Variants in FAM81B observed in about 807,000 individuals in gnomAD.
FAM81B encodes the protein protein FAM81B.
A neutral mutation model predicts 58.7 loss-of-function variants in FAM81B; 60 were observed. The ratio of observed to expected loss-of-function variants is 1.02; its 90% CI spans 0.83 to 1.27. The LOEUF (loss-of-function observed/expected upper bound fraction) is 1.27. FAM81B is among the 50% of genes most tolerant of loss of function. The pLI, the probability that FAM81B is intolerant of heterozygous loss-of-function variation, is 0.00. For synonymous variants in FAM81B, 189 were observed against 179.6 expected, an observed-to-expected ratio of 1.05 and a Z score of -0.42; for missense variants, 491 against 522.0, an observed-to-expected ratio of 0.94 and a Z score of 0.58.
chr5:95,449,590 T>C (rs1033873425), intron 9 of FAM81B, among the ~76,000 whole-genome samples: 3 of 152,242 alleles, frequency 2.0e-5, no homozygotes, highest in African/African-American at 7.2e-5. Context: ...GAAACGACTC[T>C]GTGAAAGGCC....
chr5:95,420,557 C>G (rs62365043), intron 5 of FAM81B, among the ~76,000 whole-genome samples, 155 bp downstream of exon 5: 36,468 of 152,038 alleles, frequency 0.24, 4,933 homozygotes, highest in African/African-American at 0.37. Context: ...ATAGAACTTT[C>G]AATGCCTCAC....
chr5:95,439,041 T>C (rs1283588138), intron 7 of FAM81B, among the ~76,000 whole-genome samples: 2 of 151,010 alleles, frequency 1.3e-5, no homozygotes, highest in Non-Finnish European at 3.0e-5. Context: ...GTAAATGTTC[T>C]AAGTTTTTTA....
At chr5:95,445,409 T>C (rs554414455) in intron 7 of FAM81B, among the ~76,000 whole-genome samples, 43 of 152,182 alleles carry the variant, frequency 2.8e-4, no homozygotes, top group African/African-American at 9.9e-4. Flanking sequence ...CACTCACAAG[T>C]CCCCATCCCT....
intron 5 of FAM81B, among the ~76,000 whole-genome samples, chr5:95,426,647 G>A (rs1762838888): frequency 6.6e-6 from 1 of 152,286 alleles, no homozygotes; most frequent in East Asian, 1.9e-4. Context: ...CGTGTTTCTG[G>A]CACTCCTGGA....
At chr5:95,439,235 A>AATAT (rs1561312808) in intron 7 of FAM81B, among the ~76,000 whole-genome samples, 1 of 44,258 alleles carries the variant, frequency 2.3e-5, no homozygotes, top group African/African-American at 9.8e-5. Context: ...TAGGTTAAAG[A>AATAT]GTATATATAT....
intron 4 of FAM81B, 133 bp downstream of exon 4, chr5:95,414,323 T>A: frequency 1.9e-6 from 2 of 1,039,520 alleles, no homozygotes; most frequent in South Asian, 3.4e-5. Context: ...GATGATTACA[T>A]TTTAGTGGTC....
chr5:95,392,965 C>A, intron 2 of FAM81B, 68 bp downstream of exon 2: 1 of 1,340,240 alleles, frequency 7.5e-7, no homozygotes, highest in Non-Finnish European at 1.0e-6. Flanking sequence ...GTTTAGAGTG[C>A]TTAGAGAGTT....
chr5:95,408,075 TGAGAGAGAGAGA>T (rs10567707), intron 3 of FAM81B, among the ~76,000 whole-genome samples: 37 of 130,330 alleles, frequency 2.8e-4, no homozygotes, highest in East Asian at 1.1e-3. Context: ...TCCCCCAAAA[TGAGAGAGAGAGA>T]GAGAGAGAGA....
At chr5:95,415,194 T>C (rs1202755637) in intron 4 of FAM81B, among the ~76,000 whole-genome samples, 1 of 152,208 alleles carries the variant, frequency 6.6e-6, no homozygotes, top group Non-Finnish European at 1.5e-5. Flanking sequence ...GAATCTGGGT[T>C]AACAATTTTC....
intron 4 of FAM81B, among the ~76,000 whole-genome samples, chr5:95,418,741 A>T (rs1196488703): frequency 6.6e-6 from 1 of 152,204 alleles, no homozygotes; most frequent in Non-Finnish European, 1.5e-5. Context: ...TTCTAAGACT[A>T]GAAAGTTCCT....
chr5:95,391,597 T>C, intron 1 of FAM81B, 84 bp downstream of exon 1: 1 of 1,413,764 alleles, frequency 7.1e-7, no homozygotes, highest in Non-Finnish European at 9.5e-7. Flanking sequence ...AACAAAATAA[T>C]GAATCCCAAT....
intron 3 of FAM81B, 34 bp downstream of exon 3, chr5:95,396,209 T>C (rs1392811416): frequency 1.2e-5 from 18 of 1,483,742 alleles, no homozygotes; most frequent in Non-Finnish European, 1.7e-5. Flanking sequence ...TTTTAACTAT[T>C]AACTGCATTT....
intron 5 of FAM81B, among the ~76,000 whole-genome samples, chr5:95,423,032 G>C (rs1762728742): frequency 6.6e-6 from 1 of 152,106 alleles, no homozygotes; most frequent in Non-Finnish European, 1.5e-5. Context: ...TCCCTCTCCT[G>C]TTTCTTTTCT....
intron 5 of FAM81B, among the ~76,000 whole-genome samples, chr5:95,423,431 G>C (rs1762738511): frequency 6.6e-6 from 1 of 151,536 alleles, no homozygotes; most frequent in Non-Finnish European, 1.5e-5. Flanking sequence ...GAAAAGGCGA[G>C]CATGGGAAGG....
chr5:95,424,771 T>A (rs1161092656), intron 5 of FAM81B, among the ~76,000 whole-genome samples: 2 of 149,676 alleles, frequency 1.3e-5, no homozygotes, highest in Non-Finnish European at 3.0e-5. Flanking sequence ...CAGAAACCAC[T>A]GTAGTTTATT....
At chr5:95,404,951 G>A (rs1762207373) in intron 3 of FAM81B, among the ~76,000 whole-genome samples, 1 of 152,182 alleles carries the variant, frequency 6.6e-6, no homozygotes, top group Admixed American at 6.5e-5. Flanking sequence ...GGTTAGAAAG[G>A]AGAGATAAGA....
At chr5:95,411,797 A>G (rs896010944) in intron 3 of FAM81B, among the ~76,000 whole-genome samples, 16 of 152,240 alleles carry the variant, frequency 1.1e-4, no homozygotes, top group African/African-American at 3.9e-4. Context: ...ACATTTTTAC[A>G]TACACAATGC....
intron 3 of FAM81B, among the ~76,000 whole-genome samples, chr5:95,403,520 C>T (rs912339970): frequency 3.3e-5 from 5 of 152,020 alleles, no homozygotes; most frequent in Non-Finnish European, 5.9e-5. Context: ...GAAGCACTAA[C>T]CAAAAATGGT....
intron 5 of FAM81B, chr5:95,424,129 T>C (rs1364299167): frequency 7.8e-7 from 1 of 1,289,828 alleles, no homozygotes; most frequent in Non-Finnish European, 1.0e-6. Flanking sequence ...GATTTGATAC[T>C]GCAAGCCTGA....
Sources: allele counts gnomAD v4.1 joint callset (sites outside exome capture counted in the v4.1 genomes callset), GRCh38; gene constraint gnomAD v4.1.1; transcripts MANE v1.5; gene names NCBI Gene and HGNC (gene_info 2026-07-23, HGNC 2026-07-21).